Variants in RCOR3 observed in about 807,000 individuals in gnomAD.
The protein encoded by RCOR3 is REST corepressor 3.
Under a neutral mutation model 64.1 loss-of-function variants are expected in RCOR3, and 13 were observed. The ratio of observed to expected loss-of-function variants is 0.20; its 90% CI spans 0.13 to 0.32. The LOEUF (loss-of-function observed/expected upper bound fraction) is 0.32. RCOR3 is among the 10% of genes least tolerant of loss of function. RCOR3 has a pLI of 1.00. For missense variants in RCOR3, 489 were observed against 701.2 expected (o/e 0.70, Z 3.42); for synonymous variants, 215 against 239.0 (o/e 0.90, Z 0.93).
At chr1:211,265,228 A>G (rs1308862448) in intron 2 of RCOR3, among the ~76,000 whole-genome samples, 1 of 152,202 alleles carries the variant, frequency 6.6e-6, no homozygotes, top group East Asian at 1.9e-4. Context: ...AAGTTTGATA[A>G]TAAAGTCTTT....
chr1:211,300,362 G>A (rs4556425), intron 9 of RCOR3, among the ~76,000 whole-genome samples: 145,572 of 152,236 alleles, frequency 0.96, 69,663 homozygotes, highest in East Asian at 1. Flanking sequence ...GAGCCACCAC[G>A]TTCAGCCCCT....
Position 211,313,051 on chromosome 1 carries a change from A to G in RCOR3, c.1317+90A>G. The G allele has an allele frequency of 3.1e-6, 5 of 1,588,350 alleles. No individual in the cohort carries two copies. Among genetic ancestry groups the G allele is most frequent in the Middle Eastern group, 1.7e-4 (1 of 5,798 alleles). ...GTAAGGTTAATTTGTCAAGAGGACT[A>G]GCTAAATTGAGCATGAAAGGTTGAC... On this transcript the variant is annotated intron_variant, in intron 11 of 11. Coordinates refer to ENST00000419091, the MANE Select transcript of RCOR3 (RefSeq NM_001136223.3). The surrounding 1 kb of genome is among the most constrained non-coding windows in gnomAD (Gnocchi z 4.7).
At chr1:211,272,956 T>A (rs1417917304) in intron 3 of RCOR3, among the ~76,000 whole-genome samples, 1 of 152,178 alleles carries the variant, frequency 6.6e-6, no homozygotes, top group Admixed American at 6.5e-5. Flanking sequence ...CCACACTGAT[T>A]GTAATGCATA....
At chr1:211,281,050 A>ACG (rs1364755993) in intron 7 of RCOR3, among the ~76,000 whole-genome samples, 2 of 151,376 alleles carry the variant, frequency 1.3e-5, no homozygotes, top group Non-Finnish European at 2.9e-5. Context: ...TCTTAGCACT[A>ACG]CGTCACTTTT....
rs770859245 is a variant in RCOR3 at position 211,312,695 on chromosome 1, G to A, written c.1076-25G>A. 3.3e-6 allele frequency: 5 copies of A among 1,508,180 alleles called. No individual in the cohort carries two copies. Among genetic ancestry groups the A allele is most frequent in the African/African-American group, 1.4e-5 (1 of 72,686 alleles). The allele number at this position is 1,508,180 out of a possible 1,614,324, so 93.4% of individuals were successfully genotyped here. On this transcript the variant is annotated intron_variant, in intron 10 of 11. Coordinates refer to ENST00000419091, the MANE Select transcript of RCOR3 (RefSeq NM_001136223.3). The surrounding 1 kb of genome is among the most constrained non-coding windows in gnomAD (Gnocchi z 5.0). ...AGCTCTCCTTATTGATCCTTCACAGGTGTATTATTTACTTTGCCTTCCAGG... is the reference window on the plus strand; with the variant it reads ...AGCTCTCCTTATTGATCCTTCACAGATGTATTATTTACTTTGCCTTCCAGG...
intron 8 of RCOR3, chr1:211,291,652 T>C (rs932473147): frequency 2.0e-5 from 9 of 442,792 alleles, no homozygotes; most frequent in Non-Finnish European, 2.7e-5. Context: ...ATCTTAAACA[T>C]GTTCAGATTT....
chr1:211,292,437 T>A (rs1385494888), intron 8 of RCOR3, among the ~76,000 whole-genome samples: 1 of 152,190 alleles, frequency 6.6e-6, no homozygotes, highest in Non-Finnish European at 1.5e-5. Context: ...GTGTACTCAG[T>A]CACCTGTATT....
At chr1:211,270,066 C>CTT (rs11390047) in intron 2 of RCOR3, among the ~76,000 whole-genome samples, 2,280 of 144,602 alleles carry the variant, frequency 0.016, 37 homozygotes, top group Non-Finnish European at 0.022. Context: ...TTTATCTTGA[C>CTT]TTTTTTTTTT....
intron 7 of RCOR3, among the ~76,000 whole-genome samples, chr1:211,281,001 AG>A (rs67607944): frequency 0.11 from 15,810 of 148,194 alleles, 863 homozygotes; most frequent in South Asian, 0.19. Context: ...AAAAAAAAAA[AG>A]GCATATGTCT....
chr1:211,285,913 A>T (rs1698458060), intron 7 of RCOR3, among the ~76,000 whole-genome samples: 1 of 152,168 alleles, frequency 6.6e-6, no homozygotes, highest in African/African-American at 2.4e-5. Flanking sequence ...TGAGCCTTTT[A>T]TCAATATGTA....
At chr1:211,271,554 A>C (rs1696212882) in intron 3 of RCOR3, 1 of 577,450 alleles carries the variant, frequency 1.7e-6, no homozygotes, top group Admixed American at 2.2e-5. Context: ...AAAACCTAGG[A>C]TCTGATGGCA....
Position 211,313,556 on chromosome 1 carries a change from C to T in RCOR3, c.1450C>T (p.Pro484Ser). ...TCTTCGTCCAACACTGCCTGCTGCC[C>T]CGGCTCTTCACCGGCAGCCTCCTCC... The part of the protein sequence containing the change: ...PLLRPTLPAA[P>S]ALHRQPPPLQ... The change falls in exon 12 of 12, where the codon CCG becomes TCG. Residue 484 changes from proline (P) to serine (S), a missense_variant. Physicochemically the swap from Pro to Ser is moderately conservative, Grantham distance 74 (BLOSUM62 -1). Around this residue, in one of 2 missense-constraint regions of RCOR3, gnomAD observed 402 missense variants for 617.0 expected, o/e 0.65. Transcript: ENST00000419091. The surrounding 1 kb of genome is among the most constrained non-coding windows in gnomAD (Gnocchi z 4.7). 6.2e-7 allele frequency: 1 copy of T among 1,614,150 alleles called. No homozygotes were observed. The highest frequency in any genetic ancestry group is 8.5e-7 in the Non-Finnish European group (1 of 1,180,032).
Position 211,278,105 on chromosome 1 carries a change from AT to A in RCOR3, c.517-4del, listed in dbSNP as rs755701704. On this transcript the variant is annotated splice_polypyrimidine_tract_variant and intron_variant, in intron 5 of 11. Transcript: ENST00000419091. ...AATTAAACTTGCTGATATTAACATGATTTTTTTTAAGCTTCCAGATAAGACA... is the reference window on the plus strand; with the variant it reads ...AATTAAACTTGCTGATATTAACATGATTTTTTTAAGCTTCCAGATAAGACA... The A allele has an allele frequency of 1.6e-5, 25 of 1,581,964 alleles. No homozygotes were observed. The highest frequency in any genetic ancestry group is 5.6e-5 in the Admixed American group (3 of 53,704).
Position 211,259,923 on chromosome 1 carries a change from T to TC in RCOR3, c.167-185_167-184insC, listed in dbSNP as rs1558031277. On this transcript the variant is annotated intron_variant, in intron 1 of 11. Transcript: ENST00000419091. ...CCGCCCTCGACCAATCCTCCGCCTT[T>TC]GCCCCCCCCCGCTCCCCGCCCCCAA... 4.8e-5 allele frequency: 44 copies of TC among 909,046 alleles called. No individual in the cohort carries two copies. In the African/African-American group the frequency reaches 7.6e-4, roughly 16 times the overall value. 56.3% of individuals were successfully genotyped at this position (909,046 alleles called of 1,614,324 possible).
At chr1:211,284,033 A>AT (rs886472496) in intron 7 of RCOR3, among the ~76,000 whole-genome samples, 33 of 150,726 alleles carry the variant, frequency 2.2e-4, no homozygotes, top group African/African-American at 7.5e-4. Flanking sequence ...TTTATTATTT[A>AT]TTTATTTTAT....
At chr1:211,294,586 CTTTTTTTTT>C (rs35962546) in intron 8 of RCOR3, among the ~76,000 whole-genome samples, 1 of 88,030 alleles carries the variant, frequency 1.1e-5, no homozygotes. Flanking sequence ...TTCTTTCTTT[CTTTTTTTTT>C]TTTTTTTTTT....
At position 211,259,792 on chromosome 1, in the gene RCOR3, C is replaced by G. The variant is rs1235333263; in HGVS notation, c.166+66C>G. 10 of 1,315,566 alleles carry G rather than the reference C, an allele frequency of 7.6e-6. No homozygotes were observed. The South Asian group carries it at 1.5e-4, about 20-fold the overall frequency. The allele number at this position is 1,315,566 out of a possible 1,614,324, so 81.5% of individuals were successfully genotyped here. On this transcript the variant is annotated intron_variant, in intron 1 of 11. Transcript: ENST00000419091. Reference sequence around the variant, plus strand: ...CCTCCCTCTTCCCCTCCCCCAGCCCCCTCCCCTCGCCGCTCTCCCGCCCTC... The same window carrying G: ...CCTCCCTCTTCCCCTCCCCCAGCCCGCTCCCCTCGCCGCTCTCCCGCCCTC...
At chr1:211,283,699 C>T (rs1698131320) in intron 7 of RCOR3, among the ~76,000 whole-genome samples, 1 of 151,948 alleles carries the variant, frequency 6.6e-6, no homozygotes, top group South Asian at 2.1e-4. Context: ...AGCTAGTGTG[C>T]AGTTGTGTGA....
intron 10 of RCOR3, among the ~76,000 whole-genome samples, chr1:211,308,698 T>TTTTTTTTTTTTTTTTTTTTGTG (rs1701171863): frequency 9.8e-5 from 4 of 40,874 alleles, no homozygotes; most frequent in African/African-American, 2.1e-4. Context: ...TTTTTTTTTT[T>TTTTTTTTTTTTTTTTTTTTGTG]TGTGTAGTCC....
Sources: gnomAD v4.1 joint callset for allele counts (sites outside exome capture counted in the v4.1 genomes callset) on GRCh38, gnomAD v4.1.1 for gene constraint, gnomAD v4.1.1 regional missense constraint, Gnocchi (gnomAD v3.1) non-coding constraint, MANE v1.5 for transcripts, NCBI Gene and HGNC (gene_info 2026-07-23, HGNC 2026-07-21) for gene names.